Variants in CFAP77 observed in about 807,000 individuals in gnomAD.
The protein encoded by CFAP77 is cilia and flagella associated protein 77.
In CFAP77, 25 loss-of-function variants were observed where a neutral mutation model predicts 31.1. The ratio of observed to expected loss-of-function variants is 0.80; its 90% CI spans 0.59 to 1.12. CFAP77 has a LOEUF of 1.12. Among genes scored for constraint, CFAP77 ranks in the 50% most tolerant of loss-of-function variants. The pLI is 0.00. For missense variants in CFAP77, 377 were observed against 397.3 expected (o/e 0.95, Z 0.44); for synonymous variants, 151 against 159.9 (o/e 0.94, Z 0.42).
At position 132,424,541 on chromosome 9, in the gene CFAP77, A is replaced by T. The variant is rs1198008667; in HGVS notation, c.195+14075A>T. On this transcript the variant is annotated intron_variant, in intron 1 of 5. Coordinates refer to ENST00000393216, the MANE Select transcript of CFAP77 (RefSeq NM_001282957.2). This position sits in a 1 kb window ranked among gnomAD's most constrained non-coding sequence, Gnocchi z 4.1. ...TAGACAAGGTGAGAAATTGGCTGCC[A>T]TGAGCTTGGGTGCATTTTTAGGGGA... 6.6e-6 allele frequency among the ~76,000 whole-genome samples: 1 copy of T among 152,204 alleles called. No homozygotes were observed. Among genetic ancestry groups the T allele is most frequent in the Non-Finnish European group, 1.5e-5 (1 of 68,026 alleles).
At chr9:132,450,877 G>A (rs772196078) in intron 1 of CFAP77, among the ~76,000 whole-genome samples, 3 of 152,160 alleles carry the variant, frequency 2.0e-5, no homozygotes, top group Non-Finnish European at 4.4e-5. Context: ...AGCAGCAGAG[G>A]GCAAGAAACA....
intron 5 of CFAP77, among the ~76,000 whole-genome samples, chr9:132,556,865 G>A (rs1482943488): frequency 1.3e-5 from 2 of 152,078 alleles, no homozygotes; most frequent in African/African-American, 4.8e-5. Context: ...CCCCTTTGGC[G>A]CTGGCTGTTT....
At chr9:132,439,353 T>A (rs1850574443) in intron 1 of CFAP77, among the ~76,000 whole-genome samples, 1 of 152,154 alleles carries the variant, frequency 6.6e-6, no homozygotes, top group South Asian at 2.1e-4. Context: ...TTTCACCTGC[T>A]TGAATCACTG....
chr9:132,548,216 T>C (rs930676544), intron 5 of CFAP77, among the ~76,000 whole-genome samples: 16 of 127,842 alleles, frequency 1.3e-4, no homozygotes, highest in Admixed American at 5.0e-4. Context: ...GTCTGCACAA[T>C]GCCTACAGAC....
intron 5 of CFAP77, among the ~76,000 whole-genome samples, chr9:132,544,163 CT>C (rs796831299): frequency 3.3e-5 from 5 of 150,870 alleles, no homozygotes; most frequent in African/African-American, 1.2e-4. Flanking sequence ...TCTGCCCCCC[CT>C]TGACGCGGCC....
chr9:132,435,448 C>G (rs940261992), intron 1 of CFAP77, among the ~76,000 whole-genome samples: 1 of 152,206 alleles, frequency 6.6e-6, no homozygotes. Context: ...GAGATTTTAT[C>G]TCCAGTTGTC....
chr9:132,514,592 C>A (rs1344389808), intron 3 of CFAP77, among the ~76,000 whole-genome samples: 1 of 152,170 alleles, frequency 6.6e-6, no homozygotes, highest in Non-Finnish European at 1.5e-5. Context: ...GCGCTGCCTT[C>A]CTTGCCGCCT....
intron 3 of CFAP77, among the ~76,000 whole-genome samples, chr9:132,526,029 A>G (rs910847741): frequency 1.3e-4 from 20 of 152,072 alleles, no homozygotes; most frequent in Middle Eastern, 3.2e-3. Context: ...CCAGTTTTGC[A>G]CTGTTACAGC....
intron 1 of CFAP77, among the ~76,000 whole-genome samples, chr9:132,454,557 G>A (rs539196697): frequency 1.3e-5 from 2 of 152,196 alleles, no homozygotes; most frequent in Admixed American, 6.5e-5. Flanking sequence ...TGGTTGGTGT[G>A]TTCTGGAAAA....
intron 3 of CFAP77, among the ~76,000 whole-genome samples, chr9:132,536,213 A>C (rs1236255597): frequency 6.6e-6 from 1 of 152,032 alleles, no homozygotes; most frequent in African/African-American, 2.4e-5. Flanking sequence ...GTTATTAACC[A>C]AGTCCTGGAC....
chr9:132,503,036 G>A lies in CFAP77; in HGVS notation c.524+3436G>A, dbSNP rs72767809. 8.8e-3 allele frequency among the ~76,000 whole-genome samples: 1,340 copies of A among 152,206 alleles called. 9 individuals carry two copies. The highest frequency in any genetic ancestry group is 0.014 in the Non-Finnish European group (938 of 68,004). On this transcript the variant is annotated intron_variant, in intron 3 of 5. Transcript: ENST00000393216. Reference sequence around the variant, plus strand: ...TCTTTGGTAAGTTTTCCCACCTCTCGTGGCCTCAAATACCAGGCACATCTC... The same window carrying A: ...TCTTTGGTAAGTTTTCCCACCTCTCATGGCCTCAAATACCAGGCACATCTC...
chr9:132,494,055 G>A (rs181601936), intron 1 of CFAP77, among the ~76,000 whole-genome samples: 112 of 151,900 alleles, frequency 7.4e-4, no homozygotes, highest in Non-Finnish European at 6.2e-4. Context: ...GGAACCACAG[G>A]CACACGCCAC....
chr9:132,420,205 T>G (rs192070537), intron 1 of CFAP77, among the ~76,000 whole-genome samples: 1 of 148,118 alleles, frequency 6.8e-6, no homozygotes, highest in African/African-American at 2.5e-5. Context: ...GAGGCCAGAA[T>G]GCCACGTTTA....
chr9:132,572,205 C>A (rs1324932209), intron 5 of CFAP77, among the ~76,000 whole-genome samples, 183 bp from the exon 6 acceptor site: 1 of 152,086 alleles, frequency 6.6e-6, no homozygotes, highest in East Asian at 1.9e-4. Context: ...CCCCAGGTAG[C>A]CCCTGCTCTC....
At chr9:132,547,517 C>G (rs895859212) in intron 5 of CFAP77, among the ~76,000 whole-genome samples, 1 of 152,202 alleles carries the variant, frequency 6.6e-6, no homozygotes, top group Admixed American at 6.5e-5. Context: ...CATGCTGGGC[C>G]CTGTTCCCCG....
intron 3 of CFAP77, 90 bp from the exon 4 acceptor site, chr9:132,537,511 G>A (rs1389542515): frequency 7.8e-6 from 7 of 900,566 alleles, no homozygotes; most frequent in African/African-American, 1.7e-5. Flanking sequence ...AGCCCCTGAC[G>A]TTTAGGAGGC....
At chr9:132,522,214 A>G (rs1026372043) in intron 3 of CFAP77, among the ~76,000 whole-genome samples, 5 of 152,162 alleles carry the variant, frequency 3.3e-5, no homozygotes, top group Non-Finnish European at 7.4e-5. Flanking sequence ...CTTGGCCTCT[A>G]TGTGCACCTG....
chr9:132,426,513 G>C (rs1187179637), intron 1 of CFAP77, among the ~76,000 whole-genome samples: 1 of 130,442 alleles, frequency 7.7e-6, no homozygotes, highest in Non-Finnish European at 1.6e-5. Context: ...TTATTAAAAG[G>C]CTGGAATAAA....
At chr9:132,458,815 C>A (rs2131722634) in intron 1 of CFAP77, among the ~76,000 whole-genome samples, 1 of 152,288 alleles carries the variant, frequency 6.6e-6, no homozygotes, top group African/African-American at 2.4e-5. Context: ...ATACCTGGAA[C>A]CACTGTTTCC....
Sources: allele counts gnomAD v4.1 joint callset (sites outside exome capture counted in the v4.1 genomes callset), GRCh38; gene constraint gnomAD v4.1.1; non-coding constraint Gnocchi (gnomAD v3.1); transcripts MANE v1.5; gene names NCBI Gene and HGNC (gene_info 2026-07-23, HGNC 2026-07-21).